ALDH6A1: variants seen among roughly 807,000 people sequenced by gnomAD.
ALDH6A1 encodes methylmalonate-semialdehyde/malonate-semialdehyde dehydrogenase [acylating], mitochondrial.
A neutral mutation model predicts 62.6 loss-of-function variants in ALDH6A1; 43 were observed. The ratio of observed to expected loss-of-function variants is 0.69; its 90% confidence interval spans 0.54 to 0.89. ALDH6A1 has a LOEUF of 0.89. Among genes scored for constraint, ALDH6A1 ranks in the 40% least tolerant of loss-of-function variants. ALDH6A1 has a pLI of 0.00. For missense variants in ALDH6A1, 551 were observed against 661.3 expected (o/e 0.83, Z 1.83); for synonymous variants, 194 against 234.2 (o/e 0.83, Z 1.57).
chr14:74,064,715 A>T (rs988903627), intron 11 of ALDH6A1, 107 bp downstream of exon 11: 1 of 1,613,848 alleles, frequency 6.2e-7, no homozygotes, highest in Non-Finnish European at 8.5e-7. Flanking sequence ...ACTGATTATG[A>T]CCTCACAGAT....
intron 1 of ALDH6A1, among the ~76,000 whole-genome samples, chr14:74,077,647 C>T (rs2060626450): frequency 6.6e-6 from 1 of 152,188 alleles, no homozygotes. Flanking sequence ...TCACTCACTA[C>T]AGCACAAAGC....
chr14:74,071,861 C>CT (rs758274605), intron 5 of ALDH6A1, 35 bp downstream of exon 5: 1 of 1,605,762 alleles, frequency 6.2e-7, no homozygotes, highest in Admixed American at 1.7e-5. Flanking sequence ...TCCTTTGGTC[C>CT]TTCCCAAAAG....
rs752220992 is a variant in ALDH6A1 at position 74,071,519 on chromosome 14, A to G, written c.428-22T>C. On this transcript the variant is annotated intron_variant, in intron 5 of 11. Transcript: ENST00000553458. ...ACCTCTGGAACACAGAAGTCAGGCC[A>G]TCAGCTCTCCACACTGTGTACTAGT... 4 of 1,613,062 alleles carry G rather than the reference A, an allele frequency of 2.5e-6. No individual in the cohort carries two copies. The Admixed American group carries it at 6.7e-5, about 27-fold the overall frequency.
chr14:74,059,481 A>C lies in ALDH6A1; in HGVS notation c.*1161T>G. The C allele has an allele frequency of 2.3e-6, 1 of 438,180 alleles. No homozygotes were observed. The highest frequency in any genetic ancestry group is 4.6e-6 in the Non-Finnish European group (1 of 219,354). The allele number at this position is 438,180 out of a possible 1,614,324, so 27.1% of individuals were successfully genotyped here. ...GAGGCCGAGGCAGGCGGATCACCTG[A>C]GGTCAGGAGTTCGAGACCAGCCTGA... On this transcript the variant is annotated 3_prime_UTR_variant, in exon 12 of 12. Transcript: ENST00000553458.
At chr14:74,079,519 C>T (rs1194581165) in intron 1 of ALDH6A1, among the ~76,000 whole-genome samples, 1 of 151,716 alleles carries the variant, frequency 6.6e-6, no homozygotes, top group Admixed American at 6.6e-5. Context: ...CCGCAAGCTC[C>T]GCCTCCTGGG....
intron 11 of ALDH6A1, among the ~76,000 whole-genome samples, chr14:74,060,999 A>G (rs1566824589): frequency 6.6e-6 from 1 of 152,090 alleles, no homozygotes; most frequent in Non-Finnish European, 1.5e-5. Flanking sequence ...TTTGTTTGAG[A>G]TGGAGTCTTG....
At chr14:74,082,831 G>A (rs550067059) in intron 1 of ALDH6A1, 1 of 152,168 alleles carries the variant, frequency 6.6e-6, no homozygotes, top group African/African-American at 2.4e-5. Context: ...AATACATAGT[G>A]TCTGTTTCTG....
intron 5 of ALDH6A1, 81 bp from the exon 6 acceptor site, chr14:74,071,578 A>G (rs2060549496): frequency 6.2e-7 from 1 of 1,609,132 alleles, no homozygotes; most frequent in African/African-American, 1.3e-5. Context: ...CCCTGAGGAC[A>G]GGAAGTGGTT....
Position 74,067,529 on chromosome 14 carries a change from T to C in ALDH6A1, c.893A>G (p.Lys298Arg). The C allele has an allele frequency of 6.2e-7, 1 of 1,614,178 alleles. No individual in the cohort carries two copies. Among genetic ancestry groups the C allele is most frequent in the Non-Finnish European group, 8.5e-7 (1 of 1,180,032 alleles). The change falls in exon 8 of 12, where the codon AAG becomes AGG. Residue 298 changes from lysine to arginine, a missense_variant. Lys to Arg is a conservative substitution (Grantham distance 26, BLOSUM62 2). Transcript: ENST00000553458. ...AACCAGCTGGTTCAGGGTATTTTCC[T>C]TATTGGCATCTGGCATGACTACCCC... is the stretch of plus-strand genomic sequence containing the variant. Reference protein sequence around the residue: ...NHGVVMPDANKENTLNQLVGA... With the variant: ...NHGVVMPDANRENTLNQLVGA...
chr14:74,067,555 A>G lies in ALDH6A1; in HGVS notation c.867T>C (p.His289=), dbSNP rs1273170385. Residue 289 remains histidine, a synonymous_variant, in exon 8 of 12, where the codon CAT becomes CAC. Transcript: ENST00000553458. ...RVQANMGAKN[H]GVVMPDANKE... ...TATTGGCATCTGGCATGACTACCCC[A>G]TGGTTCTTGGCTCCCTAAAAAAAAA... The G allele has an allele frequency of 6.2e-7, 1 of 1,613,968 alleles. No homozygotes were observed. The highest frequency in any genetic ancestry group is 1.7e-5 in the Admixed American group (1 of 60,000).
chr14:74,078,074 T>C, intron 1 of ALDH6A1: 1 of 392,290 alleles, frequency 2.5e-6, no homozygotes, highest in Non-Finnish European at 5.1e-6. Flanking sequence ...TCCATTTCTA[T>C]AAATAATAAA....
chr14:74,060,774 TA>T (rs2060322254), intron 11 of ALDH6A1, 28 bp from the exon 12 acceptor site: 1 of 1,499,610 alleles, frequency 6.7e-7, no homozygotes, highest in African/African-American at 1.4e-5. Context: ...AAAGTTAGCA[TA>T]TATTTCTGGG....
Position 74,068,880 on chromosome 14 carries a change from TG to T in ALDH6A1, c.831del (p.Lys278ArgfsTer14). 6.2e-7 allele frequency: 1 copy of T among 1,614,090 alleles called. No individual in the cohort carries two copies. The highest frequency in any genetic ancestry group is 8.5e-7 in the Non-Finnish European group (1 of 1,179,982). On this transcript the variant is annotated frameshift_variant, in exon 7 of 12. Coordinates refer to ENST00000553458, the MANE Select transcript of ALDH6A1 (RefSeq NM_005589.4). LOFTEE classifies it high-confidence loss of function. ...EYIFERGSRHGKRVQANMGAK... is the reference protein window; with the variant it reads ...EYIFERGSRHXKRVQANMGAK... Reference sequence around the variant, plus strand: ...GTCACCATATTGGCTTGAACCCTCTTGCCATGTCTTGATCCTCTCTCGAAGA... The same window carrying T: ...GTCACCATATTGGCTTGAACCCTCTTCCATGTCTTGATCCTCTCTCGAAGA...
At chr14:74,068,116 G>A (rs1344562420) in intron 7 of ALDH6A1, among the ~76,000 whole-genome samples, 5 of 152,076 alleles carry the variant, frequency 3.3e-5, no homozygotes, top group Non-Finnish European at 7.4e-5. Context: ...CAGGCATGGT[G>A]GCTCATGCCT....
chr14:74,070,345 C>G (rs1264052323), intron 6 of ALDH6A1, among the ~76,000 whole-genome samples: 1 of 151,866 alleles, frequency 6.6e-6, no homozygotes, highest in Non-Finnish European at 1.5e-5. Flanking sequence ...ATGGTGAAAC[C>G]CCATCTGTAC....
rs182511998 is a variant in ALDH6A1, at chr14:74,069,311, C to G, written c.731-330G>C. ...TAGACACGGGGTTTCACAATCTTGG[C>G]CAGGCTGGTCTTGAACTCCTGACCT... On this transcript the variant is annotated intron_variant, in intron 6 of 11. Transcript: ENST00000553458. 894 of 340,736 alleles carry G rather than the reference C, an allele frequency of 2.6e-3. 5 individuals carry two copies. Among genetic ancestry groups the G allele is most frequent in the African/African-American group, 0.014 (668 of 46,314 alleles). 21.1% of individuals were successfully genotyped at this position (340,736 alleles called of 1,614,324 possible).
rs1595119363 is a variant in ALDH6A1, at chr14:74,067,601, T to C, written c.853-32A>G. 3.7e-6 allele frequency: 6 copies of C among 1,609,424 alleles called. No individual in the cohort carries two copies. The East Asian group carries it at 1.1e-4, about 30-fold the overall frequency. On this transcript the variant is annotated intron_variant, in intron 7 of 11. Coordinates refer to ENST00000553458, the MANE Select transcript of ALDH6A1 (RefSeq NM_005589.4). The stretch of plus-strand genomic sequence containing the variant: ...AAAAATGCAGAAAGCACATGAGTCT[T>C]CCTTGGCCAAATACAACTAAGCTAA...
At chr14:74,069,701 C>A (rs572142897) in intron 6 of ALDH6A1, among the ~76,000 whole-genome samples, 1 of 151,924 alleles carries the variant, frequency 6.6e-6, no homozygotes, top group South Asian at 2.1e-4. Context: ...TGCAGCGAGC[C>A]GAGATTGTGC....
At chr14:74,062,800 C>T (rs1210422240) in intron 11 of ALDH6A1, among the ~76,000 whole-genome samples, 1 of 149,770 alleles carries the variant, frequency 6.7e-6, no homozygotes, top group Admixed American at 6.8e-5. Flanking sequence ...CAGCACATAG[C>T]TGGCACAGAA....
Sources: allele counts gnomAD v4.1 joint callset (sites outside exome capture counted in the v4.1 genomes callset), GRCh38; gene constraint gnomAD v4.1.1; transcripts MANE v1.5; gene names NCBI Gene and HGNC (gene_info 2026-07-23, HGNC 2026-07-21).